The following LRRC26 variants were observed in gnomAD, a reference collection of about 807,000 sequenced individuals.
LRRC26 encodes the protein leucine rich repeat containing 26.
In LRRC26, 17 loss-of-function variants were observed where a neutral mutation model predicts 15.3. The ratio of observed to expected loss-of-function variants is 1.11; its 90% CI spans 0.76 to 1.66. The LOEUF (loss-of-function observed/expected upper bound fraction) is 1.66, where lower values mean the gene tolerates loss of function less well. Among genes scored for constraint, LRRC26 ranks in the 40% most tolerant of loss-of-function variants. The pLI is 0.00. For synonymous variants in LRRC26, 301 were observed against 272.1 expected (o/e 1.11, Z -1.05); for missense variants, 573 against 501.0 (o/e 1.14, Z -1.37).
At position 137,170,041 on chromosome 9, in the gene LRRC26, G is replaced by A. The variant is rs1365634834; in HGVS notation, c.-98C>T. The A allele has an allele frequency of 2.3e-6, 3 of 1,298,940 alleles. No individual in the cohort carries two copies. The highest frequency in any genetic ancestry group is 3.1e-5 in the African/African-American group (2 of 63,608). 80.5% of individuals were successfully genotyped at this position (1,298,940 alleles called of 1,614,324 possible). A position where few individuals can be genotyped will look rare whatever the true frequency, so the allele number is the denominator to read the frequency against. On this transcript the variant is annotated 5_prime_UTR_variant, in exon 1 of 2. Coordinates refer to ENST00000371542, the MANE Select transcript of LRRC26 (RefSeq NM_001013653.3). The stretch of plus-strand genomic sequence containing the variant: ...CGCGGAGCCCGTTCCTGCGGCGCCT[G>A]CACAAATATTAACTCTCTGGCCCGA...
chr9:137,169,863 C>A lies in LRRC26; in HGVS notation c.81G>T (p.Gln27His), dbSNP rs7019671. 0.39 allele frequency: 581,042 copies of A among 1,475,260 alleles called. 118,710 individuals are homozygous for A. Among genetic ancestry groups the A allele is most frequent in the South Asian group, 0.44 (34,205 of 77,436 alleles). The allele number at this position is 1,475,260 out of a possible 1,614,324, so 91.4% of individuals were successfully genotyped here. A position where few individuals can be genotyped will look rare whatever the true frequency, so the allele number is the denominator to read the frequency against. ...LLLSPWPVWA[Q>H]VSATASPSGS... Reference sequence around the variant, plus strand: ...CCGAGGGCGAGGCCGTGGCCGACACCTGGGCCCAGACAGGCCAAGGCGACA... The same window carrying A: ...CCGAGGGCGAGGCCGTGGCCGACACATGGGCCCAGACAGGCCAAGGCGACA... The change falls in exon 1 of 2, where the codon CAG becomes CAT. Residue 27 changes from glutamine to histidine, a missense_variant. Coordinates refer to ENST00000371542, the MANE Select transcript of LRRC26 (RefSeq NM_001013653.3).
At position 137,169,704 on chromosome 9, in the gene LRRC26, G is replaced by C; in HGVS notation, c.240C>G (p.His80Gln). The C allele has an allele frequency of 6.7e-7, 1 of 1,489,142 alleles. No individual in the cohort carries two copies. Among genetic ancestry groups the C allele is most frequent in the Admixed American group, 2.2e-5 (1 of 44,464 alleles). The allele number at this position is 1,489,142 out of a possible 1,614,324, so 92.2% of individuals were successfully genotyped here. ...SLRLRALLLD[H>Q]NRVRALPPGA... Reference sequence around the variant, plus strand: ...CTGGCGGCAGCGCACGGACGCGGTTGTGGTCCAGCAGCAGCGCGCGCAGGC... The same window carrying C: ...CTGGCGGCAGCGCACGGACGCGGTTCTGGTCCAGCAGCAGCGCGCGCAGGC... The change falls in exon 1 of 2, where the codon CAC becomes CAG. Residue 80 changes from histidine to glutamine, a missense_variant. Coordinates refer to ENST00000371542, the MANE Select transcript of LRRC26 (RefSeq NM_001013653.3).
At position 137,169,938 on chromosome 9, in the gene LRRC26, C is replaced by T; in HGVS notation, c.6G>A (p.Arg2=). The T allele has an allele frequency of 6.9e-7, 1 of 1,446,116 alleles. No homozygotes were observed. The highest frequency in any genetic ancestry group is 9.0e-7 in the Non-Finnish European group (1 of 1,110,506). 89.6% of individuals were successfully genotyped at this position (1,446,116 alleles called of 1,614,324 possible). The change falls in exon 1 of 2, where the codon CGG becomes CGA. Residue 2 remains arginine (R), a synonymous_variant. Coordinates refer to ENST00000371542, the MANE Select transcript of LRRC26 (RefSeq NM_001013653.3). ...GCCGAGGCCGCGACCAGGAAGGGCC[C>T]CGCATGGGGGCAGCCCCCCCGCCCC... M[R]GPSWSRPRPL... is the part of the protein sequence containing the mutation.
In LRRC26 at chr9:137,169,944, G is replaced by C; in HGVS notation, c.-1C>G. The C allele has an allele frequency of 1.4e-6, 2 of 1,436,270 alleles. No homozygotes were observed. The highest frequency in any genetic ancestry group is 5.9e-5 in the East Asian group (2 of 34,072). 89.0% of individuals were successfully genotyped at this position (1,436,270 alleles called of 1,614,324 possible). A position where few individuals can be genotyped will look rare whatever the true frequency, so the allele number is the denominator to read the frequency against. On this transcript the variant is annotated 5_prime_UTR_variant, in exon 1 of 2. Transcript: ENST00000371542. ...GCCGCGACCAGGAAGGGCCCCGCAT[G>C]GGGGCAGCCCCCCCGCCCCCGGCAC... is the stretch of plus-strand genomic sequence containing the variant.
At position 137,169,141 on chromosome 9, in the gene LRRC26, T is replaced by C; in HGVS notation, c.718A>G (p.Ser240Gly). Residue 240 changes from serine (S) to glycine (G), a missense_variant, in exon 2 of 2, where the codon AGC (serine) becomes GGC (glycine). By Grantham distance (56) the Ser-to-Gly change is moderately conservative. Coordinates refer to ENST00000371542, the MANE Select transcript of LRRC26 (RefSeq NM_001013653.3). ...GCGTCGGAAAAGGCAGTCAGGGGGCTGAGCGTCAGGCGTCCCGGCCACACG... is the reference window on the plus strand; with the variant it reads ...GCGTCGGAAAAGGCAGTCAGGGGGCCGAGCGTCAGGCGTCCCGGCCACACG... The part of the protein sequence containing the change: ...LCVWPGRLTL[S>G]PLTAFSDAAF... 6.5e-7 allele frequency: 1 copy of C among 1,546,472 alleles called. No homozygotes were observed. The highest frequency in any genetic ancestry group is 8.7e-7 in the Non-Finnish European group (1 of 1,153,300).
rs1021786337 is a variant in LRRC26, at chr9:137,169,398, G to C, written c.546C>G (p.Leu182=). 6.7e-7 allele frequency: 1 copy of C among 1,503,024 alleles called. No individual in the cohort carries two copies. Among genetic ancestry groups the C allele is most frequent in the East Asian group, 2.7e-5 (1 of 36,410 alleles). The allele number at this position is 1,503,024 out of a possible 1,614,324, so 93.1% of individuals were successfully genotyped here. A position where few individuals can be genotyped will look rare whatever the true frequency, so the allele number is the denominator to read the frequency against. ...LSLQDNELAA[L]APGLLGRLPA... ...GCAGGCGGCCCAGCAGCCCCGGCGC[G>C]AGTGCCGCCAGCTCGTTGTCCTGCA... is the stretch of plus-strand genomic sequence containing the variant. The change falls in exon 1 of 2, where the codon CTC becomes CTG. Residue 182 remains leucine (L), a synonymous_variant. Coordinates refer to ENST00000371542, the MANE Select transcript of LRRC26 (RefSeq NM_001013653.3).
chr9:137,169,142 G>C lies in LRRC26; in HGVS notation c.717C>G (p.Leu239=), dbSNP rs1834026068. The C allele has an allele frequency of 5.8e-6, 9 of 1,545,786 alleles. No homozygotes were observed. Among genetic ancestry groups the C allele is most frequent in the Non-Finnish European group, 7.8e-6 (9 of 1,153,102 alleles). Residue 239 remains leucine (L), a synonymous_variant, in exon 2 of 2, where the codon CTC becomes CTG. Coordinates refer to ENST00000371542, the MANE Select transcript of LRRC26 (RefSeq NM_001013653.3). ...CGTCGGAAAAGGCAGTCAGGGGGCTGAGCGTCAGGCGTCCCGGCCACACGC... is the reference window on the plus strand; with the variant it reads ...CGTCGGAAAAGGCAGTCAGGGGGCTCAGCGTCAGGCGTCCCGGCCACACGC... ...VLCVWPGRLT[L]SPLTAFSDAA... is the part of the protein sequence containing the mutation.
chr9:137,169,309 A>AGCGGGCGCAGC lies in LRRC26; in HGVS notation c.624_634dup (p.Leu212ArgfsTer30), dbSNP rs1207214877. The AGCGGGCGCAGC allele has an allele frequency of 2.8e-6, 4 of 1,420,448 alleles. No individual in the cohort carries two copies. Among genetic ancestry groups the AGCGGGCGCAGC allele is most frequent in the Non-Finnish European group, 2.7e-6 (3 of 1,094,622 alleles). The allele number at this position is 1,420,448 out of a possible 1,614,324, so 88.0% of individuals were successfully genotyped here. A position where few individuals can be genotyped will look rare whatever the true frequency, so the allele number is the denominator to read the frequency against. ...CGGGTGCCGGCGCAGCCAGGCGCAG[A>AGCGGGCGCAGC]GCGGGCGCAGCGCGCACCCGCAGCC... On this transcript the variant is annotated frameshift_variant, in exon 1 of 2. Transcript: ENST00000371542. LOFTEE classifies it low-confidence loss of function (END_TRUNC).
Position 137,169,697 on chromosome 9 carries a change from C to A in LRRC26, c.247G>T (p.Val83Phe). The A allele has an allele frequency of 1.3e-6, 2 of 1,494,414 alleles. No individual in the cohort carries two copies. The highest frequency in any genetic ancestry group is 1.8e-6 in the Non-Finnish European group (2 of 1,129,272). The allele number at this position is 1,494,414 out of a possible 1,614,324, so 92.6% of individuals were successfully genotyped here. A position where few individuals can be genotyped will look rare whatever the true frequency, so the allele number is the denominator to read the frequency against. The change falls in exon 1 of 2, where the codon GTC (valine) becomes TTC (phenylalanine). Residue 83 changes from valine to phenylalanine, a missense_variant. Val to Phe is a conservative substitution (Grantham distance 50). Transcript: ENST00000371542. ...LRALLLDHNR[V>F]RALPPGAFAG... The stretch of plus-strand genomic sequence containing the variant: ...AAGGCACCTGGCGGCAGCGCACGGA[C>A]GCGGTTGTGGTCCAGCAGCAGCGCG...
At position 137,169,951 on chromosome 9, in the gene LRRC26, GC is replaced by G. The variant is rs911292602; in HGVS notation, c.-9del. ...CCAGGAAGGGCCCCGCATGGGGGCAGCCCCCCCGCCCCCGGCACCCGCGGTG... is the reference window on the plus strand; with the variant it reads ...CCAGGAAGGGCCCCGCATGGGGGCAGCCCCCCGCCCCCGGCACCCGCGGTG... On this transcript the variant is annotated 5_prime_UTR_variant, in exon 1 of 2. Coordinates refer to ENST00000371542, the MANE Select transcript of LRRC26 (RefSeq NM_001013653.3). 2.0e-5 allele frequency: 28 copies of G among 1,405,726 alleles called. No homozygotes were observed. The highest frequency in any genetic ancestry group is 1.5e-4 in the South Asian group (10 of 64,976). The allele number at this position is 1,405,726 out of a possible 1,614,324, so 87.1% of individuals were successfully genotyped here.
rs760990925 is a variant in LRRC26 at position 137,169,926 on chromosome 9, C to A, written c.18G>T (p.Trp6Cys). 8.9e-6 allele frequency: 13 copies of A among 1,460,522 alleles called. No homozygotes were observed. In the South Asian group the frequency reaches 1.5e-4, roughly 17 times the overall value. 90.5% of individuals were successfully genotyped at this position (1,460,522 alleles called of 1,614,324 possible). ...GCAGCAGCAGCGGCCGAGGCCGCGA[C>A]CAGGAAGGGCCCCGCATGGGGGCAG... The part of the protein sequence containing the change: MRGPS[W>C]SRPRPLLLLL... The change falls in exon 1 of 2, where the codon TGG (tryptophan) becomes TGT (cysteine). Residue 6 changes from tryptophan (W) to cysteine (C), a missense_variant. Coordinates refer to ENST00000371542, the MANE Select transcript of LRRC26 (RefSeq NM_001013653.3).
rs13288607 is a variant in LRRC26 at position 137,169,776 on chromosome 9, G to T, written c.168C>A (p.Ser56Arg). 5.0e-6 allele frequency: 7 copies of T among 1,391,054 alleles called. No homozygotes were observed. Among genetic ancestry groups the T allele is most frequent in the Non-Finnish European group, 6.5e-6 (7 of 1,083,772 alleles). 86.2% of individuals were successfully genotyped at this position (1,391,054 alleles called of 1,614,324 possible). A position where few individuals can be genotyped will look rare whatever the true frequency, so the allele number is the denominator to read the frequency against. The change falls in exon 1 of 2, where the codon AGC (serine) becomes AGA (arginine). Residue 56 changes from serine to arginine, a missense_variant. Coordinates refer to ENST00000371542, the MANE Select transcript of LRRC26 (RefSeq NM_001013653.3). ...CGGCGGGCAGCGAGAGTGCCGAGCA[G>T]CTGGCCAGGCCTCCCGGCACGCACG... ...VCTCVPGGLA[S>R]CSALSLPAVP...
At position 137,169,392 on chromosome 9, in the gene LRRC26, C is replaced by G. The variant is rs1432651210; in HGVS notation, c.552G>C (p.Pro184=). 1 of 1,501,256 alleles carries G rather than the reference C, an allele frequency of 6.7e-7. No homozygotes were observed. Among genetic ancestry groups the G allele is most frequent in the South Asian group, 1.2e-5 (1 of 80,176 alleles). The allele number at this position is 1,501,256 out of a possible 1,614,324, so 93.0% of individuals were successfully genotyped here. Residue 184 remains proline (P), a synonymous_variant, in exon 1 of 2, where the codon CCG becomes CCC. Transcript: ENST00000371542. ...GAGCGGGCAGGCGGCCCAGCAGCCCCGGCGCGAGTGCCGCCAGCTCGTTGT... is the reference window on the plus strand; with the variant it reads ...GAGCGGGCAGGCGGCCCAGCAGCCCGGGCGCGAGTGCCGCCAGCTCGTTGT... ...LQDNELAALA[P]GLLGRLPALD...
Position 137,169,571 on chromosome 9 carries a change from C to A in LRRC26, c.373G>T (p.Asp125Tyr). 6.6e-7 allele frequency: 1 copy of A among 1,523,786 alleles called. No homozygotes were observed. The highest frequency in any genetic ancestry group is 8.8e-7 in the Non-Finnish European group (1 of 1,141,738). 94.4% of individuals were successfully genotyped at this position (1,523,786 alleles called of 1,614,324 possible). A position where few individuals can be genotyped will look rare whatever the true frequency, so the allele number is the denominator to read the frequency against. The change falls in exon 1 of 2, where the codon GAC becomes TAC. Residue 125 changes from aspartate (D) to tyrosine (Y), a missense_variant. Transcript: ENST00000371542. ...FWGLGALQLLDLSANQLEALA... is the reference protein window; with the variant it reads ...FWGLGALQLLYLSANQLEALA... ...GCTTCCAGCTGGTTGGCGCTCAGGT[C>A]CAGCAGCTGCAGCGCGCCCAGGCCC...
At position 137,169,405 on chromosome 9, in the gene LRRC26, G is replaced by T; in HGVS notation, c.539C>A (p.Ala180Glu). 6.6e-7 allele frequency: 1 copy of T among 1,505,950 alleles called. No individual in the cohort carries two copies. Among genetic ancestry groups the T allele is most frequent in the African/African-American group, 1.4e-5 (1 of 69,120 alleles). The allele number at this position is 1,505,950 out of a possible 1,614,324, so 93.3% of individuals were successfully genotyped here. ...RSLSLQDNEL[A>E]ALAPGLLGRL... ...GCCCAGCAGCCCCGGCGCGAGTGCCGCCAGCTCGTTGTCCTGCAGGCTGAG... is the reference window on the plus strand; with the variant it reads ...GCCCAGCAGCCCCGGCGCGAGTGCCTCCAGCTCGTTGTCCTGCAGGCTGAG... Residue 180 changes from alanine (A) to glutamate (E), a missense_variant, in exon 1 of 2, where the codon GCG (alanine) becomes GAG (glutamate). Coordinates refer to ENST00000371542, the MANE Select transcript of LRRC26 (RefSeq NM_001013653.3).
At position 137,169,771 on chromosome 9, in the gene LRRC26, G is replaced by T. The variant is rs756630007; in HGVS notation, c.173C>A (p.Ser58Ter). The T allele has an allele frequency of 1.4e-6, 2 of 1,392,092 alleles. No individual in the cohort carries two copies. The highest frequency in any genetic ancestry group is 3.7e-5 in the Admixed American group (1 of 26,936). The allele number at this position is 1,392,092 out of a possible 1,614,324, so 86.2% of individuals were successfully genotyped here. Reference protein sequence around the residue: ...TCVPGGLASCSALSLPAVPPG... With the variant: ...TCVPGGLASC ...GGGCACGGCGGGCAGCGAGAGTGCCGAGCAGCTGGCCAGGCCTCCCGGCAC... is the reference window on the plus strand; with the variant it reads ...GGGCACGGCGGGCAGCGAGAGTGCCTAGCAGCTGGCCAGGCCTCCCGGCAC... The change falls in exon 1 of 2, where the codon TCG (serine) becomes TAG (stop). Residue 58 changes from serine to a stop codon, truncating the protein, a stop_gained. Transcript: ENST00000371542. LOFTEE classifies it high-confidence loss of function.
In LRRC26 at chr9:137,169,112, G is replaced by T; in HGVS notation, c.747C>A (p.Ala249=). The part of the protein sequence containing the change: ...LSPLTAFSDA[A]FSHCAQPLAL... Reference sequence around the variant, plus strand: ...CGAGCGGCTGCGCGCAATGGCTAAAGGCGGCGTCGGAAAAGGCAGTCAGGG... The same window carrying T: ...CGAGCGGCTGCGCGCAATGGCTAAATGCGGCGTCGGAAAAGGCAGTCAGGG... The change falls in exon 2 of 2, where the codon GCC becomes GCA. Residue 249 remains alanine, a synonymous_variant. Coordinates refer to ENST00000371542, the MANE Select transcript of LRRC26 (RefSeq NM_001013653.3). The T allele has an allele frequency of 1.9e-6, 3 of 1,561,910 alleles. No homozygotes were observed. Among genetic ancestry groups the T allele is most frequent in the Non-Finnish European group, 2.6e-6 (3 of 1,160,518 alleles).
In LRRC26 at chr9:137,169,130, A is replaced by G. The variant is rs1004061190; in HGVS notation, c.729T>C (p.Thr243=). ...GGCTAAAGGCGGCGTCGGAAAAGGC[A>G]GTCAGGGGGCTGAGCGTCAGGCGTC... is the stretch of plus-strand genomic sequence containing the variant. The part of the protein sequence containing the change: ...WPGRLTLSPL[T]AFSDAAFSHC... Residue 243 remains threonine (T), a synonymous_variant, in exon 2 of 2, where the codon ACT becomes ACC. Coordinates refer to ENST00000371542, the MANE Select transcript of LRRC26 (RefSeq NM_001013653.3). 2 of 1,559,066 alleles carry G rather than the reference A, an allele frequency of 1.3e-6. No individual in the cohort carries two copies. The highest frequency in any genetic ancestry group is 1.7e-4 in the Middle Eastern group (1 of 5,936).
Position 137,169,077 on chromosome 9 carries a change from T to C in LRRC26, c.782A>G (p.Asp261Gly). ...SHCAQPLALR[D>G]LAVVYTLGPA... ...CCCGAGCGTGTAAACCACGGCCAGG[T>C]CCCGCAGGGCGAGCGGCTGCGCGCA... The change falls in exon 2 of 2, where the codon GAC becomes GGC. Residue 261 changes from aspartate (D) to glycine (G), a missense_variant. Transcript: ENST00000371542. The C allele has an allele frequency of 1.3e-6, 2 of 1,557,888 alleles. No individual in the cohort carries two copies. Among genetic ancestry groups the C allele is most frequent in the East Asian group, 2.6e-5 (1 of 38,810 alleles).
Sources: gnomAD v4.1 joint callset for allele counts on GRCh38, gnomAD v4.1.1 for gene constraint, MANE v1.5 for transcripts, NCBI Gene and HGNC (gene_info 2026-07-23, HGNC 2026-07-21) for gene names.